Variants in AGAP1 observed in about 807,000 individuals in gnomAD.
AGAP1 encodes the protein ArfGAP with GTPase domain, ankyrin repeat and PH domain 1.
In AGAP1, 29 loss-of-function variants were observed where a neutral mutation model predicts 105.3. The observed-to-expected ratio is 0.28, with a 90% CI of 0.21 to 0.38. The LOEUF (loss-of-function observed/expected upper bound fraction) is 0.38. AGAP1 is among the 10% of genes least tolerant of loss of function. AGAP1 has a pLI of 1.00. For missense variants in AGAP1, 998 were observed against 1,165.1 expected, an observed-to-expected ratio of 0.86 and a Z score of 2.09; for synonymous variants, 509 against 485.9, an observed-to-expected ratio of 1.05 and a Z score of -0.63.
chr2:235,875,315 C>G lies in AGAP1; in HGVS notation c.1051-8030C>G, dbSNP rs1249195321. Among the ~76,000 whole-genome samples, 1 of 152,178 alleles carries G rather than the reference C, an allele frequency of 6.6e-6. No individual in the cohort carries two copies. Among genetic ancestry groups the G allele is most frequent in the Admixed American group, 6.5e-5 (1 of 15,278 alleles). Reference sequence around the variant, plus strand: ...TGGTATTTTAAATTGTTGGGATGAACAAGCACTTTGGGTTCCTGAGATCTT... The same window carrying G: ...TGGTATTTTAAATTGTTGGGATGAAGAAGCACTTTGGGTTCCTGAGATCTT... On this transcript the variant is annotated intron_variant, in intron 9 of 17. Transcript: ENST00000304032. The surrounding 1 kb of genome is among the most constrained non-coding windows in gnomAD (Gnocchi z 4.0).
chr2:235,892,242 T>C (rs2050581011), intron 10 of AGAP1, among the ~76,000 whole-genome samples: 1 of 152,196 alleles, frequency 6.6e-6, no homozygotes, highest in African/African-American at 2.4e-5. Context: ...CTCCCTGACC[T>C]GCAATACTGG....
rs1276958000 is a variant in AGAP1, at chr2:236,087,239, G to A, written c.2115-32953G>A. Reference sequence around the variant, plus strand: ...GATTGACAGGCCTTCTCATTATGGAGCCCATCAGGGGACAGGGCATTCCAG... The same window carrying A: ...GATTGACAGGCCTTCTCATTATGGAACCCATCAGGGGACAGGGCATTCCAG... On this transcript the variant is annotated intron_variant, in intron 16 of 17. Transcript: ENST00000304032. The surrounding 1 kb of genome is among the most constrained non-coding windows in gnomAD (Gnocchi z 5.7). Among the ~76,000 whole-genome samples, 1 of 151,968 alleles carries A rather than the reference G, an allele frequency of 6.6e-6. No homozygotes were observed. The highest frequency in any genetic ancestry group is 1.5e-5 in the Non-Finnish European group (1 of 68,014).
At position 235,621,355 on chromosome 2, in the gene AGAP1, CAT is replaced by C. The variant is rs1946472621; in HGVS notation, c.164-87821_164-87820del. Among the ~76,000 whole-genome samples, 1 of 152,200 alleles carries C rather than the reference CAT, an allele frequency of 6.6e-6. No individual in the cohort carries two copies. Among genetic ancestry groups the C allele is most frequent in the African/African-American group, 2.4e-5 (1 of 41,458 alleles). On this transcript the variant is annotated intron_variant, in intron 1 of 17. Coordinates refer to ENST00000304032, the MANE Select transcript of AGAP1 (RefSeq NM_001037131.3). The surrounding 1 kb of genome is among the most constrained non-coding windows in gnomAD (Gnocchi z 4.1). Reference sequence around the variant, plus strand: ...TAATTTCATTGTGCCTTGGTTTCTTCATATGTTTCAATAAAATGGGTATGTTA... The same window carrying C: ...TAATTTCATTGTGCCTTGGTTTCTTCATGTTTCAATAAAATGGGTATGTTA...
At chr2:236,110,246 A>G (rs2059609535) in intron 16 of AGAP1, among the ~76,000 whole-genome samples, 1 of 152,204 alleles carries the variant, frequency 6.6e-6, no homozygotes, top group Non-Finnish European at 1.5e-5. Flanking sequence ...CTGTAATCCC[A>G]GCACTTTGGG....
At chr2:235,745,180 A>G (rs1952833281) in intron 5 of AGAP1, among the ~76,000 whole-genome samples, 1 of 152,196 alleles carries the variant, frequency 6.6e-6, no homozygotes, top group Non-Finnish European at 1.5e-5. Context: ...TTTCTGCTAT[A>G]TTTTAATTCT....
At chr2:235,594,894 T>TG (rs1231600452) in intron 1 of AGAP1, among the ~76,000 whole-genome samples, 1 of 150,938 alleles carries the variant, frequency 6.6e-6, no homozygotes, top group Non-Finnish European at 1.5e-5. Context: ...TTTTTTTTTT[T>TG]TTTTTTTTTT....
chr2:235,924,084 C>T (rs902453004), intron 11 of AGAP1, among the ~76,000 whole-genome samples: 2 of 151,998 alleles, frequency 1.3e-5, no homozygotes, highest in South Asian at 4.2e-4. Flanking sequence ...GTGCCCCCCT[C>T]GCTGGGAGTA....
At chr2:235,686,626 T>G (rs1171823817) in intron 1 of AGAP1, among the ~76,000 whole-genome samples, 3 of 38,124 alleles carry the variant, frequency 7.9e-5, no homozygotes, top group Admixed American at 3.1e-4. Flanking sequence ...TATAGATATA[T>G]ATATATATAT....
intron 12 of AGAP1, among the ~76,000 whole-genome samples, chr2:235,955,566 T>A (rs1030728815): frequency 6.6e-6 from 1 of 152,198 alleles, no homozygotes; most frequent in Non-Finnish European, 1.5e-5. Context: ...GGGAACTGAC[T>A]AAGCAAACCA....
rs535529300 is a variant in AGAP1, at chr2:235,513,186, G to C, written c.163+18337G>C. Among the ~76,000 whole-genome samples, 13 of 152,250 alleles carry C rather than the reference G, an allele frequency of 8.5e-5. 1 individual carries two copies. The South Asian group carries it at 2.7e-3, about 32-fold the overall frequency. ...TGTCTCAGACTTTAGCCTGCGTCAG[G>C]ATCACCTCAGGTCACGTTTTAACTG... On this transcript the variant is annotated intron_variant, in intron 1 of 17. Coordinates refer to ENST00000304032, the MANE Select transcript of AGAP1 (RefSeq NM_001037131.3).
chr2:236,064,300 C>T (rs75602774), intron 16 of AGAP1, among the ~76,000 whole-genome samples: 2,088 of 152,164 alleles, frequency 0.014, 54 homozygotes, highest in African/African-American at 0.048. Context: ...CACTCCTACA[C>T]GTGAAAATTT....
In AGAP1 at chr2:235,787,270, A is replaced by T. The variant is rs1486019122; in HGVS notation, c.674-10489A>T. On this transcript the variant is annotated intron_variant, in intron 6 of 17. Coordinates refer to ENST00000304032, the MANE Select transcript of AGAP1 (RefSeq NM_001037131.3). This position sits in a 1 kb window ranked among gnomAD's most constrained non-coding sequence, Gnocchi z 4.4. ...GAAAGCTTTTCTTCATCACGTGCTA[A>T]TGACTTCCTGTTCCACAGGCGTAAC... Among the ~76,000 whole-genome samples the T allele has an allele frequency of 1.3e-5, 2 of 152,158 alleles. No homozygotes were observed. The highest frequency in any genetic ancestry group is 2.9e-5 in the Non-Finnish European group (2 of 68,018).
At chr2:235,718,183 A>C (rs904942274) in intron 3 of AGAP1, among the ~76,000 whole-genome samples, 1 of 152,084 alleles carries the variant, frequency 6.6e-6, no homozygotes, top group Admixed American at 6.5e-5. Context: ...TAACATGTCC[A>C]TATTTTATTT....
Position 235,639,187 on chromosome 2 carries a change from A to G in AGAP1, c.164-69992A>G, listed in dbSNP as rs77490561. On this transcript the variant is annotated intron_variant, in intron 1 of 17. Transcript: ENST00000304032. This position sits in a 1 kb window ranked among gnomAD's most constrained non-coding sequence, Gnocchi z 5.3. ...GGATGATAGTGGCCCACAGGTTGAG[A>G]GAGGGGATGGGTTCAGCTTTGGCCA... Among the ~76,000 whole-genome samples, 3,743 of 152,114 alleles carry G rather than the reference A, an allele frequency of 0.025. 138 individuals carry two copies. Among genetic ancestry groups the G allele is most frequent in the African/African-American group, 0.08 (3,324 of 41,506 alleles).
At chr2:235,531,900 C>T (rs6431383) in intron 1 of AGAP1, among the ~76,000 whole-genome samples, 18,501 of 152,080 alleles carry the variant, frequency 0.12, 1,443 homozygotes, top group African/African-American at 0.21. Flanking sequence ...ACGTGAACCC[C>T]TGCACCCGGC....
chr2:235,534,056 C>T (rs777861314), intron 1 of AGAP1, among the ~76,000 whole-genome samples: 40 of 152,206 alleles, frequency 2.6e-4, no homozygotes, highest in Non-Finnish European at 4.9e-4. Flanking sequence ...CTCCAAACAC[C>T]GTCGCTGTCG....
At chr2:235,554,924 C>A (rs1413907697) in intron 1 of AGAP1, among the ~76,000 whole-genome samples, 1 of 152,172 alleles carries the variant, frequency 6.6e-6, no homozygotes, top group African/African-American at 2.4e-5. Flanking sequence ...CCTGCCTTGG[C>A]CTCCCAAATT....
intron 1 of AGAP1, among the ~76,000 whole-genome samples, chr2:235,503,619 G>C (rs930481429): frequency 1.1e-4 from 17 of 152,102 alleles, no homozygotes; most frequent in Non-Finnish European, 2.4e-4. Context: ...TTTTGAGACA[G>C]GGTCTCACTC....
intron 1 of AGAP1, among the ~76,000 whole-genome samples, chr2:235,702,537 T>G (rs544698050): frequency 2.6e-5 from 4 of 152,298 alleles, no homozygotes; most frequent in Admixed American, 2.0e-4. Flanking sequence ...CTTGTTGGTG[T>G]TGTTTGCTGA....
Sources: gnomAD v4.1 joint callset for allele counts (sites outside exome capture counted in the v4.1 genomes callset) on GRCh38, gnomAD v4.1.1 for gene constraint, Gnocchi (gnomAD v3.1) non-coding constraint, MANE v1.5 for transcripts, NCBI Gene and HGNC (gene_info 2026-07-23, HGNC 2026-07-21) for gene names.